Variants in DNAH11 observed in about 807,000 individuals in gnomAD.
DNAH11 encodes axonemal beta dynein heavy chain 11.
Under a neutral mutation model 526.0 loss-of-function variants are expected in DNAH11, and 442 were observed. The ratio of observed to expected loss-of-function variants is 0.84; its 90% confidence interval spans 0.78 to 0.91. DNAH11 has a LOEUF of 0.91. Among genes scored for constraint, DNAH11 ranks in the 40% least tolerant of loss-of-function variants. DNAH11 has a pLI of 0.00. For synonymous variants in DNAH11, 2,461 were observed against 1,935.9 expected (o/e 1.27, Z -7.12); for missense variants, 6,989 against 5,448.7 (o/e 1.28, Z -8.90).
intron 65 of DNAH11, among the ~76,000 whole-genome samples, chr7:21,833,822 A>G (rs1781885461): frequency 6.6e-6 from 1 of 152,250 alleles, no homozygotes; most frequent in South Asian, 2.1e-4. Flanking sequence ...CTTATGTGTG[A>G]GAACCCTAGG....
intron 79 of DNAH11, among the ~76,000 whole-genome samples, chr7:21,895,962 C>T (rs1037041330): frequency 6.6e-6 from 1 of 152,176 alleles, no homozygotes; most frequent in African/African-American, 2.4e-5. Context: ...ATCTCCTGAC[C>T]TCATGATCTG....
At chr7:21,865,618 T>G (rs1783245237) in intron 70 of DNAH11, among the ~76,000 whole-genome samples, 1 of 152,096 alleles carries the variant, frequency 6.6e-6, no homozygotes, top group African/African-American at 2.4e-5. Context: ...ACATAGTCCC[T>G]CCCAAACCAC....
At chr7:21,573,047 T>C (rs1290262170) in intron 8 of DNAH11, among the ~76,000 whole-genome samples, 2 of 152,194 alleles carry the variant, frequency 1.3e-5, no homozygotes, top group African/African-American at 2.4e-5. Flanking sequence ...CACAAGATCC[T>C]TGGGGACATT....
Position 21,807,869 on chromosome 7 carries a change from C to A in DNAH11, c.10166-14C>A. The A allele has an allele frequency of 6.3e-7, 1 of 1,580,192 alleles. No homozygotes were observed. The highest frequency in any genetic ancestry group is 1.1e-5 in the South Asian group (1 of 88,458). The stretch of plus-strand genomic sequence containing the variant: ...GCCTGCAATTACAGCTGAGTAATTT[C>A]ATCTTTCAGTCAGAGAAGATTCGCT... On this transcript the variant is annotated splice_polypyrimidine_tract_variant and intron_variant, in intron 62 of 81. Transcript: ENST00000409508.
chr7:21,714,410 G>T (rs955419643), intron 42 of DNAH11, among the ~76,000 whole-genome samples: 2 of 152,086 alleles, frequency 1.3e-5, no homozygotes. Context: ...ACCTCCCATT[G>T]CAATAAACTT....
Position 21,888,740 on chromosome 7 carries a change from G to A in DNAH11, c.12508-3685G>A, listed in dbSNP as rs1030147661. Among the ~76,000 whole-genome samples the A allele has an allele frequency of 5.3e-5, 8 of 151,978 alleles. No individual in the cohort carries two copies. In the East Asian group the frequency reaches 1.2e-3, roughly 22 times the overall value. ...CCTGACCTCATGATCTGCCCACCTC[G>A]GCCTCCCAAAGTGCTGGGATTACAG... On this transcript the variant is annotated intron_variant, in intron 76 of 81. Coordinates refer to ENST00000409508, the MANE Select transcript of DNAH11 (RefSeq NM_001277115.2).
At chr7:21,584,541 A>G (rs1000188921) in intron 9 of DNAH11, among the ~76,000 whole-genome samples, 20 of 152,186 alleles carry the variant, frequency 1.3e-4, no homozygotes, top group African/African-American at 4.6e-4. Context: ...ACAAACCTGC[A>G]CATTGTGTAC....
At chr7:21,711,629 T>G in intron 41 of DNAH11, 83 bp from the exon 42 acceptor site, 1 of 1,535,386 alleles carries the variant, frequency 6.5e-7, no homozygotes, top group Non-Finnish European at 8.8e-7. Context: ...CTGTGATACT[T>G]CTGGTAGGGG....
At chr7:21,900,532 C>G (rs1784747690) in intron 81 of DNAH11, among the ~76,000 whole-genome samples, 1 of 128,316 alleles carries the variant, frequency 7.8e-6, no homozygotes, top group South Asian at 2.7e-4. Flanking sequence ...GGGTGAATCT[C>G]TAAGAGGGGG....
Position 21,787,410 on chromosome 7 carries a change from T to A in DNAH11, c.9751T>A (p.Phe3251Ile), listed in dbSNP as rs1788237406. 2 of 1,603,386 alleles carry A rather than the reference T, an allele frequency of 1.2e-6. No individual in the cohort carries two copies. Among genetic ancestry groups the A allele is most frequent in the East Asian group, 4.5e-5 (2 of 44,632 alleles). ...AKVFMGKVDDFLQALINYDKE... is the reference protein window; with the variant it reads ...AKVFMGKVDDILQALINYDKE... Reference sequence around the variant, plus strand: ...TCTTTTTGCTTTGCAGGTTGATGATTTTTTGCAAGCATTAATTAACTATGA... The same window carrying A: ...TCTTTTTGCTTTGCAGGTTGATGATATTTTGCAAGCATTAATTAACTATGA... The change falls in exon 60 of 82, where the codon TTT becomes ATT. Residue 3251 changes from phenylalanine (F) to isoleucine (I), a missense_variant. Transcript: ENST00000409508.
intron 65 of DNAH11, among the ~76,000 whole-genome samples, chr7:21,834,861 A>T (rs1408332022): frequency 6.6e-6 from 1 of 152,232 alleles, no homozygotes; most frequent in East Asian, 1.9e-4. Flanking sequence ...CTGTCCCAAA[A>T]AAACAAATAA....
intron 1 of DNAH11, 43 bp from the exon 2 acceptor site, chr7:21,544,963 A>T: frequency 6.7e-7 from 1 of 1,498,242 alleles, no homozygotes; most frequent in Non-Finnish European, 9.0e-7. Context: ...CCTGCTTGTT[A>T]ACAAGAAAAC....
chr7:21,576,257 A>G (rs1218043962), intron 8 of DNAH11, among the ~76,000 whole-genome samples: 1 of 152,220 alleles, frequency 6.6e-6, no homozygotes. Context: ...ATTGATACAT[A>G]TTCCAAGGTT....
chr7:21,638,556 A>G (rs1786972494), intron 27 of DNAH11, among the ~76,000 whole-genome samples: 1 of 152,154 alleles, frequency 6.6e-6, no homozygotes, highest in Non-Finnish European at 1.5e-5. Flanking sequence ...AACGAATTAC[A>G]TCTTACCAGT....
chr7:21,763,517 G>A (rs1396203236), intron 54 of DNAH11, among the ~76,000 whole-genome samples: 1 of 151,642 alleles, frequency 6.6e-6, no homozygotes, highest in Non-Finnish European at 1.5e-5. Context: ...TTGTTGGTGA[G>A]GCTGTGGAGA....
chr7:21,623,327 G>A (rs1220384733), intron 25 of DNAH11, among the ~76,000 whole-genome samples: 3 of 150,656 alleles, frequency 2.0e-5, no homozygotes, highest in African/African-American at 7.3e-5. Flanking sequence ...AGGTGCTGGA[G>A]AGGATGTGGA....
Position 21,894,989 on chromosome 7 carries a change from C to T in DNAH11, c.13039C>T (p.Leu4347=). ...SKLAYPSTYG[L]AQWFNDLLLR... Reference sequence around the variant, plus strand: ...ACTGGCTTATCCTTCTACTTATGGCCTAGCCCAGTGGTAAGCTACCCCATC... The same window carrying T: ...ACTGGCTTATCCTTCTACTTATGGCTTAGCCCAGTGGTAAGCTACCCCATC... The change falls in exon 79 of 82, where the codon CTA becomes TTA. Residue 4347 remains leucine, a synonymous_variant. Coordinates refer to ENST00000409508, the MANE Select transcript of DNAH11 (RefSeq NM_001277115.2). 1.2e-6 allele frequency: 2 copies of T among 1,613,816 alleles called. No individual in the cohort carries two copies. The highest frequency in any genetic ancestry group is 1.7e-6 in the Non-Finnish European group (2 of 1,179,808).
chr7:21,701,054 C>G (rs1784036407), intron 36 of DNAH11, among the ~76,000 whole-genome samples: 1 of 151,970 alleles, frequency 6.6e-6, no homozygotes, highest in African/African-American at 2.4e-5. Context: ...ACGTGTATAC[C>G]TATGTAACAA....
chr7:21,880,577 A>C (rs577986798), intron 74 of DNAH11, 125 bp from the exon 75 acceptor site: 71 of 920,376 alleles, frequency 7.7e-5, no homozygotes, highest in Non-Finnish European at 1.1e-4. Context: ...ATAAGTAGCC[A>C]TGCTGAAGAC....
Sources: allele counts gnomAD v4.1 joint callset (sites outside exome capture counted in the v4.1 genomes callset), GRCh38; gene constraint gnomAD v4.1.1; transcripts MANE v1.5; gene names NCBI Gene and HGNC (gene_info 2026-07-23, HGNC 2026-07-21).